The following CEP57 variants were observed in gnomAD, a reference collection of about 807,000 sequenced individuals.
The protein encoded by CEP57 is centrosomal protein 57.
Under a neutral mutation model 68.0 loss-of-function variants are expected in CEP57, and 40 were observed. That is an observed-to-expected ratio of 0.59 (90% confidence interval 0.46 to 0.77). The LOEUF is 0.77. Among genes scored for constraint, CEP57 ranks in the 30% least tolerant of loss-of-function variants. The pLI is 0.00. For missense variants in CEP57, 606 were observed against 580.7 expected (o/e 1.04, Z -0.45); for synonymous variants, 219 against 198.7 (o/e 1.10, Z -0.86).
At chr11:95,830,937 A>G (rs1030650305) in intron 10 of CEP57, 89 bp from the exon 11 acceptor site, 5 of 988,158 alleles carry the variant, frequency 5.1e-6, no homozygotes, top group Non-Finnish European at 7.9e-6. Flanking sequence ...AGTTAACCAA[A>G]AAAAGGTACT....
intron 10 of CEP57, among the ~76,000 whole-genome samples, chr11:95,829,557 T>C (rs1433975619): frequency 6.6e-6 from 1 of 152,232 alleles, no homozygotes; most frequent in Non-Finnish European, 1.5e-5. Context: ...ATACTGAATA[T>C]ATTTAATATT....
At chr11:95,795,701 A>G in intron 1 of CEP57, 1 of 431,184 alleles carries the variant, frequency 2.3e-6, no homozygotes, top group Non-Finnish European at 4.1e-6. Context: ...TGGATGTTGA[A>G]TTTTATTGAA....
chr11:95,823,597 C>T (rs767934813), intron 8 of CEP57, among the ~76,000 whole-genome samples: 73 of 150,884 alleles, frequency 4.8e-4, no homozygotes, highest in Non-Finnish European at 8.6e-4. Context: ...ACACAGACTA[C>T]GTGACGCCAT....
At chr11:95,824,259 A>T (rs692806) in intron 8 of CEP57, among the ~76,000 whole-genome samples, 29,650 of 148,450 alleles carry the variant, frequency 0.2, 6,372 homozygotes, top group African/African-American at 0.54. Flanking sequence ...AATTTTTTTT[A>T]AAAAAAAAAG....
At chr11:95,820,523 G>A (rs1312187693) in intron 6 of CEP57, among the ~76,000 whole-genome samples, 3 of 148,918 alleles carry the variant, frequency 2.0e-5, no homozygotes, top group African/African-American at 7.4e-5. Context: ...CCTGGGAGGT[G>A]GAAGTTGCAC....
chr11:95,800,027 A>AATTTTCTT (rs1861507095), intron 2 of CEP57, among the ~76,000 whole-genome samples: 2 of 152,100 alleles, frequency 1.3e-5, no homozygotes, highest in African/African-American at 4.8e-5. Flanking sequence ...CATCTGTATT[A>AATTTTCTT]GTTTTCTTGT....
In CEP57 at chr11:95,813,063, A is replaced by T. The variant is rs1862138347; in HGVS notation, c.334A>T (p.Ile112Leu). Residue 112 changes from isoleucine (I) to leucine (L), a missense_variant, in exon 3 of 11, where the codon ATA (isoleucine) becomes TTA (leucine). By Grantham distance (5) the Ile-to-Leu change is conservative. Coordinates refer to ENST00000325542, the MANE Select transcript of CEP57 (RefSeq NM_014679.5). ...ATATAAGAAAGTACTGGATGAACAGATACAAGAAAGGGAGAATTCAAAGAA... is the reference window on the plus strand; with the variant it reads ...ATATAAGAAAGTACTGGATGAACAGTTACAAGAAAGGGAGAATTCAAAGAA... ...IEYKKVLDEQ[I>L]QERENSKNEE... 6.2e-7 allele frequency: 1 copy of T among 1,613,702 alleles called. No homozygotes were observed. The highest frequency in any genetic ancestry group is 8.5e-7 in the Non-Finnish European group (1 of 1,179,988).
At chr11:95,825,422 G>C (rs927568467) in intron 8 of CEP57, among the ~76,000 whole-genome samples, 1 of 152,160 alleles carries the variant, frequency 6.6e-6, no homozygotes. Flanking sequence ...AGAAATTAAA[G>C]AGTCAGTAGA....
chr11:95,813,115 T>G lies in CEP57; in HGVS notation c.382+4T>G. On this transcript the variant is annotated splice_donor_region_variant and intron_variant, in intron 3 of 10. Coordinates refer to ENST00000325542, the MANE Select transcript of CEP57 (RefSeq NM_014679.5). ...GAGGAATCAAAGCACAATCAAGGTTTGTTGATGAAGAAAATTAAAATTCTA... is the reference window on the plus strand; with the variant it reads ...GAGGAATCAAAGCACAATCAAGGTTGGTTGATGAAGAAAATTAAAATTCTA... 6.2e-7 allele frequency: 1 copy of G among 1,611,796 alleles called. No homozygotes were observed. Among genetic ancestry groups the G allele is most frequent in the African/African-American group, 1.3e-5 (1 of 74,986 alleles).
In CEP57 at chr11:95,831,583, T is replaced by A; in HGVS notation, c.*327T>A. ...TGATTTTTTAAAATAGTTCTTTATA[T>A]ATAATTAAAATTAGGTTTAAATTTT... On this transcript the variant is annotated 3_prime_UTR_variant, in exon 11 of 11. Coordinates refer to ENST00000325542, the MANE Select transcript of CEP57 (RefSeq NM_014679.5). 5.9e-6 allele frequency: 1 copy of A among 168,800 alleles called. No homozygotes were observed. The highest frequency in any genetic ancestry group is 1.6e-4 in the East Asian group (1 of 6,250). The allele number at this position is 168,800 out of a possible 1,614,324, so 10.5% of individuals were successfully genotyped here.
intron 1 of CEP57, chr11:95,795,709 G>T (rs1591044151): frequency 2.3e-6 from 1 of 436,292 alleles, no homozygotes; most frequent in Non-Finnish European, 4.1e-6. Context: ...GAATTTTATT[G>T]AATGCTTTTC....
intron 1 of CEP57, 80 bp downstream of exon 1, chr11:95,790,823 C>T: frequency 5.9e-6 from 9 of 1,522,534 alleles, no homozygotes; most frequent in Non-Finnish European, 8.1e-6. Context: ...AGGGCGCTGT[C>T]AGTCCAGCTT....
intron 4 of CEP57, among the ~76,000 whole-genome samples, chr11:95,817,495 T>C (rs540548577): frequency 1.3e-5 from 2 of 152,278 alleles, no homozygotes; most frequent in South Asian, 4.1e-4. Context: ...CTAAAAGTAT[T>C]TGTGTGTGAA....
chr11:95,791,109 C>A lies in CEP57; in HGVS notation c.45+366C>A, dbSNP rs534160183. On this transcript the variant is annotated intron_variant, in intron 1 of 10. Coordinates refer to ENST00000325542, the MANE Select transcript of CEP57 (RefSeq NM_014679.5). Reference sequence around the variant, plus strand: ...TTCAGCGGCCCCTCTAGGAAACTCGCCAGATCAGGTGAGGCGCGCCAGTGT... The same window carrying A: ...TTCAGCGGCCCCTCTAGGAAACTCGACAGATCAGGTGAGGCGCGCCAGTGT... Among the ~76,000 whole-genome samples the A allele has an allele frequency of 2.0e-4, 30 of 152,284 alleles. 1 individual carries two copies. Among genetic ancestry groups the A allele is most frequent in the African/African-American group, 6.7e-4 (28 of 41,570 alleles).
At chr11:95,802,350 G>A (rs544064523) in intron 2 of CEP57, among the ~76,000 whole-genome samples, 1 of 151,732 alleles carries the variant, frequency 6.6e-6, no homozygotes, top group East Asian at 1.9e-4. Context: ...TGCCTCCCAG[G>A]TTCAAGCAAT....
chr11:95,811,242 A>C (rs1261287152), intron 2 of CEP57, among the ~76,000 whole-genome samples: 6 of 152,140 alleles, frequency 3.9e-5, no homozygotes, highest in Non-Finnish European at 5.9e-5. Flanking sequence ...ATGGAATACT[A>C]TGCAGCTGTA....
upstream of CEP57, chr11:95,790,351 C>G (rs563850008): frequency 4.7e-6 from 2 of 426,212 alleles, no homozygotes; most frequent in Non-Finnish European, 8.6e-6. Flanking sequence ...GCAGAGCCGG[C>G]CTGTAACCCC....
chr11:95,804,195 C>A (rs1429053426), intron 2 of CEP57, among the ~76,000 whole-genome samples: 1 of 152,048 alleles, frequency 6.6e-6, no homozygotes, highest in Non-Finnish European at 1.5e-5. Context: ...GTGTTTACTG[C>A]CATACAAATA....
At chr11:95,795,331 T>G (rs1322117421) in intron 1 of CEP57, among the ~76,000 whole-genome samples, 1 of 152,148 alleles carries the variant, frequency 6.6e-6, no homozygotes, top group Non-Finnish European at 1.5e-5. Flanking sequence ...GTGATATATA[T>G]TTTCATAAGT....
Sources: allele counts gnomAD v4.1 joint callset (sites outside exome capture counted in the v4.1 genomes callset), GRCh38; gene constraint gnomAD v4.1.1; transcripts MANE v1.5; gene names NCBI Gene and HGNC (gene_info 2026-07-23, HGNC 2026-07-21).